AREG: variants seen among roughly 807,000 people sequenced by gnomAD.
AREG encodes the protein amphiregulin.
Under a neutral mutation model 28.0 loss-of-function variants are expected in AREG, and 16 were observed. The observed-to-expected ratio is 0.57, with a 90% confidence interval of 0.39 to 0.87. The LOEUF (loss-of-function observed/expected upper bound fraction) is 0.87. Among genes scored for constraint, AREG ranks in the 40% least tolerant of loss-of-function variants. AREG has a pLI of 0.00. For synonymous variants in AREG, 113 were observed against 113.5 expected, an observed-to-expected ratio of 1.00 and a Z score of 0.02; for missense variants, 287 against 309.1, an observed-to-expected ratio of 0.93 and a Z score of 0.53.
At chr4:74,454,146 A>G (rs1483064776) in intron 5 of AREG, among the ~76,000 whole-genome samples, 2 of 152,324 alleles carry the variant, frequency 1.3e-5, no homozygotes, top group East Asian at 1.9e-4. Flanking sequence ...ATTCATACCA[A>G]TGCTAAACTC....
chr4:74,447,137 T>A (rs1272401388), intron 2 of AREG, among the ~76,000 whole-genome samples: 1 of 152,232 alleles, frequency 6.6e-6, no homozygotes, highest in African/African-American at 2.4e-5. Flanking sequence ...TGTTTGATTC[T>A]ATGCAGAAGA....
chr4:74,449,590 A>C (rs994015348), intron 3 of AREG, among the ~76,000 whole-genome samples: 5 of 152,208 alleles, frequency 3.3e-5, no homozygotes, highest in African/African-American at 4.8e-5. Flanking sequence ...TCTACAAAAA[A>C]TACAAAAAAG....
intron 1 of AREG, 113 bp from the exon 2 acceptor site, chr4:74,446,421 C>T (rs1719287195): frequency 6.3e-7 from 1 of 1,578,732 alleles, no homozygotes. Context: ...AACAATAGCA[C>T]ATGTGCAATA....
rs1719439501 is a variant in AREG at position 74,454,868 on chromosome 4, T to G, written c.*128T>G. Reference sequence around the variant, plus strand: ...TTTTTGTTATGATGGTTTTAAACTTTCAATTGTCACTTTTTATGCTATTTC... The same window carrying G: ...TTTTTGTTATGATGGTTTTAAACTTGCAATTGTCACTTTTTATGCTATTTC... On this transcript the variant is annotated 3_prime_UTR_variant, in exon 6 of 6. Transcript: ENST00000395748. 7.2e-6 allele frequency: 5 copies of G among 699,272 alleles called. No homozygotes were observed. The highest frequency in any genetic ancestry group is 1.3e-5 in the Non-Finnish European group (5 of 383,136). 43.3% of individuals were successfully genotyped at this position (699,272 alleles called of 1,614,324 possible). A position where few individuals can be genotyped will look rare whatever the true frequency, so the allele number is the denominator to read the frequency against.
Position 74,450,651 on chromosome 4 carries a change from T to C in AREG, c.665+119T>C, listed in dbSNP as rs951062859. ...AATTATTATATTGTCACTTGATCTTTGGTTTATATTTTTATATTTTATTGA... is the reference window on the plus strand; with the variant it reads ...AATTATTATATTGTCACTTGATCTTCGGTTTATATTTTTATATTTTATTGA... On this transcript the variant is annotated intron_variant, in intron 4 of 5. Coordinates refer to ENST00000395748, the MANE Select transcript of AREG (RefSeq NM_001657.4). 167 of 1,378,316 alleles carry C rather than the reference T, an allele frequency of 1.2e-4. No individual in the cohort carries two copies. The African/African-American group carries it at 2.0e-3, about 17-fold the overall frequency. 85.4% of individuals were successfully genotyped at this position (1,378,316 alleles called of 1,614,324 possible).
intron 1 of AREG, among the ~76,000 whole-genome samples, chr4:74,445,670 C>T (rs969880498): frequency 6.6e-6 from 1 of 152,168 alleles, no homozygotes; most frequent in Admixed American, 6.5e-5. Flanking sequence ...CCTAACCCTT[C>T]GTTTCACAGA....
Position 74,445,152 on chromosome 4 carries a change from G to C in AREG, c.-194G>C, listed in dbSNP as rs1036274284. 2.9e-5 allele frequency: 37 copies of C among 1,275,996 alleles called. No individual in the cohort carries two copies. In the African/African-American group the frequency reaches 5.5e-4, roughly 19 times the overall value. The allele number at this position is 1,275,996 out of a possible 1,614,324, so 79.0% of individuals were successfully genotyped here. On this transcript the variant is annotated 5_prime_UTR_variant, in exon 1 of 6. Coordinates refer to ENST00000395748, the MANE Select transcript of AREG (RefSeq NM_001657.4). The stretch of plus-strand genomic sequence containing the variant: ...CCGCCCTACAGACGTTCGCACACCT[G>C]GGTGCCAGCGCCCCAGAGGTCCCGG...
At position 74,454,843 on chromosome 4, in the gene AREG, T is replaced by G; in HGVS notation, c.*103T>G. The G allele has an allele frequency of 1.4e-6, 1 of 700,022 alleles. No individual in the cohort carries two copies. Among genetic ancestry groups the G allele is most frequent in the Non-Finnish European group, 2.6e-6 (1 of 383,442 alleles). 43.4% of individuals were successfully genotyped at this position (700,022 alleles called of 1,614,324 possible). On this transcript the variant is annotated 3_prime_UTR_variant, in exon 6 of 6. Coordinates refer to ENST00000395748, the MANE Select transcript of AREG (RefSeq NM_001657.4). ...CAGTGGATCATAAGACAATGGACCC[T>G]TTTTGTTATGATGGTTTTAAACTTT...
rs1266520883 is a variant in AREG at position 74,449,097 on chromosome 4, T to A, written c.361T>A (p.Ser121Thr). The change falls in exon 3 of 6, where the codon TCA becomes ACA. Residue 121 changes from serine (S) to threonine (T), a missense_variant. Physicochemically the swap from Ser to Thr is moderately conservative, Grantham distance 58. Transcript: ENST00000395748. ...AAACAAGACGGAAAGTGAAAATACT[T>A]CAGATAAACCCAAAAGAAAGAAAAA... ...PQNKTESENTSDKPKRKKKGG... is the reference protein window; with the variant it reads ...PQNKTESENTTDKPKRKKKGG... The A allele has an allele frequency of 3.7e-6, 6 of 1,611,418 alleles. No homozygotes were observed. The highest frequency in any genetic ancestry group is 5.1e-6 in the Non-Finnish European group (6 of 1,179,480).
chr4:74,452,560 G>T lies in AREG; in HGVS notation c.682G>T (p.Val228Phe). ...TCTCTGAAGGCTTAGAAGACAATACGTCAGGAAATATGAAGGAGAAGCTGA... is the reference window on the plus strand; with the variant it reads ...TCTCTGAAGGCTTAGAAGACAATACTTCAGGAAATATGAAGGAGAAGCTGA... ...VITVQLRRQY[V>F]RKYEGEAEER... The change falls in exon 5 of 6, where the codon GTC becomes TTC. Residue 228 changes from valine (V) to phenylalanine (F), a missense_variant. Physicochemically the swap from Val to Phe is conservative, Grantham distance 50. Coordinates refer to ENST00000395748, the MANE Select transcript of AREG (RefSeq NM_001657.4). 1 of 1,613,422 alleles carries T rather than the reference G, an allele frequency of 6.2e-7. No individual in the cohort carries two copies.
chr4:74,452,686 T>C (rs1339674083), intron 5 of AREG, 31 bp downstream of exon 5: 1 of 1,579,042 alleles, frequency 6.3e-7, no homozygotes. Flanking sequence ...CTTTAGATCA[T>C]ATCCTATAAT....
intron 1 of AREG, among the ~76,000 whole-genome samples, chr4:74,445,909 G>T (rs1489075212): frequency 6.6e-6 from 1 of 151,976 alleles, no homozygotes; most frequent in East Asian, 1.9e-4. Context: ...TTAACTCTGG[G>T]CCCCAAATCT....
At chr4:74,450,315 A>G (rs1719361120) in intron 3 of AREG, 65 bp from the exon 4 acceptor site, 1 of 1,612,626 alleles carries the variant, frequency 6.2e-7, no homozygotes, top group Non-Finnish European at 8.5e-7. Flanking sequence ...TATGATCTGG[A>G]GAATAAGCTT....
intron 2 of AREG, 200 bp from the exon 3 acceptor site, chr4:74,448,847 A>T (rs2110411613): frequency 1.5e-6 from 1 of 686,084 alleles, no homozygotes; most frequent in South Asian, 2.7e-5. Context: ...TCATGAGTGG[A>T]CACTACTTTC....
Position 74,446,799 on chromosome 4 carries a change from G to T in AREG, c.310+17G>T, listed in dbSNP as rs779730353. The T allele has an allele frequency of 1.9e-6, 3 of 1,613,940 alleles. No individual in the cohort carries two copies. The highest frequency in any genetic ancestry group is 2.5e-6 in the Non-Finnish European group (3 of 1,179,852). On this transcript the variant is annotated intron_variant, in intron 2 of 5. Transcript: ENST00000395748. ...CAGTCAGAGGTGAGTAGGGGATAAAGCAAAAATATGGCCTGTGAGATGTGG... is the reference window on the plus strand; with the variant it reads ...CAGTCAGAGGTGAGTAGGGGATAAATCAAAAATATGGCCTGTGAGATGTGG...
chr4:74,450,850 C>T (rs1719368757), intron 4 of AREG, among the ~76,000 whole-genome samples: 1 of 152,066 alleles, frequency 6.6e-6, no homozygotes. Context: ...ATATTTATAT[C>T]TACTGTGAAA....
At chr4:74,449,660 A>T (rs1719348636) in intron 3 of AREG, among the ~76,000 whole-genome samples, 1 of 152,146 alleles carries the variant, frequency 6.6e-6, no homozygotes. Context: ...CTGAGGTAGC[A>T]GAATTAATTG....
At chr4:74,449,369 A>G in intron 3 of AREG, 121 bp downstream of exon 3, 1 of 1,515,948 alleles carries the variant, frequency 6.6e-7, no homozygotes, top group Non-Finnish European at 8.9e-7. Flanking sequence ...TTTTTGTTAA[A>G]GCACCAGATA....
intron 5 of AREG, among the ~76,000 whole-genome samples, chr4:74,453,384 AAG>A (rs1719411343): frequency 6.6e-6 from 1 of 152,262 alleles, no homozygotes; most frequent in Non-Finnish European, 1.5e-5. Context: ...TTTTCTTGTA[AAG>A]AGAGAGAACT....
Sources: allele counts gnomAD v4.1 joint callset (sites outside exome capture counted in the v4.1 genomes callset), GRCh38; gene constraint gnomAD v4.1.1; transcripts MANE v1.5; gene names NCBI Gene and HGNC (gene_info 2026-07-23, HGNC 2026-07-21).